The following CNTN4 variants were observed in gnomAD, a reference collection of about 807,000 sequenced individuals.
The protein encoded by CNTN4 is contactin 4.
In CNTN4, 77 loss-of-function variants were observed where a neutral mutation model predicts 122.5. The ratio of observed to expected loss-of-function variants is 0.63; its 90% CI spans 0.52 to 0.76. The LOEUF (loss-of-function observed/expected upper bound fraction) is 0.76, where lower values mean the gene tolerates loss of function less well. Among genes scored for constraint, CNTN4 ranks in the 30% least tolerant of loss-of-function variants. The pLI is 0.00. For synonymous variants in CNTN4, 512 were observed against 447.0 expected (o/e 1.15, Z -1.83); for missense variants, 1,256 against 1,259.1 (o/e 1.00, Z 0.04).
intron 2 of CNTN4, among the ~76,000 whole-genome samples, chr3:2,182,543 A>G (rs1343904133): frequency 1.3e-5 from 2 of 152,112 alleles, no homozygotes; most frequent in African/African-American, 4.8e-5. Context: ...AACTATCTGA[A>G]CTACTCCTTA....
chr3:2,964,760 A>G (rs10510243), intron 13 of CNTN4, among the ~76,000 whole-genome samples: 21,716 of 152,212 alleles, frequency 0.14, 1,708 homozygotes, highest in African/African-American at 0.2. Flanking sequence ...CTACAAAGAC[A>G]CAATTATTCA....
chr3:2,471,701 G>T (rs1190105028), intron 3 of CNTN4, among the ~76,000 whole-genome samples: 3 of 152,144 alleles, frequency 2.0e-5, no homozygotes, highest in Non-Finnish European at 4.4e-5. Flanking sequence ...GGTGATCATG[G>T]CATGTGCCAA....
rs143807515 is a variant in CNTN4, at chr3:2,740,661, C to CG, written c.182+4320_182+4321insG. Among the ~76,000 whole-genome samples, 12 of 22,660 alleles carry CG rather than the reference C, an allele frequency of 5.3e-4. No individual in the cohort carries two copies. The Admixed American group carries it at 7.5e-3, about 14-fold the overall frequency. 14.9% of individuals were successfully genotyped at this position (22,660 alleles called of 152,430 possible). A position where few individuals can be genotyped will look rare whatever the true frequency, so the allele number is the denominator to read the frequency against. On this transcript the variant is annotated intron_variant, in intron 5 of 24. Transcript: ENST00000418658. ...TCTATTCAAATTTGATAATGAAAAA[C>CG]TTTAACAACTACTATCTAATATTAT...
chr3:2,647,771 A>G (rs2083194010), intron 4 of CNTN4, among the ~76,000 whole-genome samples: 1 of 152,216 alleles, frequency 6.6e-6, no homozygotes, highest in South Asian at 2.1e-4. Context: ...TAAATTCTAA[A>G]TTGCTGTAGA....
chr3:2,406,054 G>GA lies in CNTN4; in HGVS notation c.-89+66831dup, dbSNP rs962964450. On this transcript the variant is annotated intron_variant, in intron 3 of 24. Coordinates refer to ENST00000418658, the MANE Select transcript of CNTN4 (RefSeq NM_175607.3). ...AAAAAAGAAAAAAAACAGGGAAAGA[G>GA]AAAAAAAAAACTATGGTAATAATTG... Among the ~76,000 whole-genome samples, 87 of 146,742 alleles carry GA rather than the reference G, an allele frequency of 5.9e-4. 1 individual carries two copies. In the Middle Eastern group the frequency reaches 0.029, roughly 50 times the overall value.
chr3:2,557,298 C>G (rs1459559709), intron 3 of CNTN4, among the ~76,000 whole-genome samples: 3 of 152,202 alleles, frequency 2.0e-5, no homozygotes, highest in Admixed American at 6.5e-5. Flanking sequence ...CCACTTTTAT[C>G]TTTCTTTACA....
intron 9 of CNTN4, among the ~76,000 whole-genome samples, chr3:2,885,543 A>C (rs915870300): frequency 6.6e-6 from 1 of 152,124 alleles, no homozygotes; most frequent in Non-Finnish European, 1.5e-5. Flanking sequence ...GTGTCTCCCA[A>C]ATTTTATGAG....
chr3:2,620,504 A>AATAT (rs201945554), intron 4 of CNTN4, among the ~76,000 whole-genome samples: 2 of 151,366 alleles, frequency 1.3e-5, no homozygotes, highest in African/African-American at 4.9e-5. Context: ...TGTATCCAAA[A>AATAT]ATATATATAT....
chr3:2,621,226 G>A (rs539419386), intron 4 of CNTN4, among the ~76,000 whole-genome samples: 1 of 152,282 alleles, frequency 6.6e-6, no homozygotes, highest in East Asian at 1.9e-4. Flanking sequence ...ATAACATGCA[G>A]CAAGGGAACT....
intron 15 of CNTN4, among the ~76,000 whole-genome samples, 197 bp from the exon 16 acceptor site, chr3:3,030,658 C>T (rs113830293): frequency 2.0e-5 from 3 of 152,290 alleles, no homozygotes; most frequent in African/African-American, 4.8e-5. Flanking sequence ...GAGGTCTTGT[C>T]GAAGATGTGT....
chr3:2,431,893 C>T (rs1270666282), intron 3 of CNTN4, among the ~76,000 whole-genome samples: 2 of 151,472 alleles, frequency 1.3e-5, no homozygotes, highest in Non-Finnish European at 2.9e-5. Context: ...AATTGAAACA[C>T]TAAAGAGAGA....
intron 10 of CNTN4, among the ~76,000 whole-genome samples, chr3:2,892,743 A>T (rs1421186933): frequency 6.6e-6 from 1 of 152,188 alleles, no homozygotes; most frequent in Non-Finnish European, 1.5e-5. Context: ...CATCTTCATA[A>T]TTAGGAAATG....
At chr3:2,517,245 T>C (rs1267131725) in intron 3 of CNTN4, among the ~76,000 whole-genome samples, 2 of 152,164 alleles carry the variant, frequency 1.3e-5, no homozygotes, top group African/African-American at 2.4e-5. Context: ...AGTCAGTCTG[T>C]CTTATTTCAG....
chr3:2,884,352 G>A (rs959939818), intron 9 of CNTN4, among the ~76,000 whole-genome samples: 3 of 152,126 alleles, frequency 2.0e-5, no homozygotes, highest in African/African-American at 7.2e-5. Context: ...GGTTCTAATA[G>A]AAAGGTTGTT....
At chr3:2,772,932 TAG>T (rs1468740685) in intron 6 of CNTN4, among the ~76,000 whole-genome samples, 1 of 152,006 alleles carries the variant, frequency 6.6e-6, no homozygotes, top group Admixed American at 6.5e-5. Context: ...CAGGAGAGGA[TAG>T]AGAGCAGATA....
chr3:2,440,101 C>T (rs933496877), intron 3 of CNTN4, among the ~76,000 whole-genome samples: 2 of 152,144 alleles, frequency 1.3e-5, no homozygotes, highest in African/African-American at 4.8e-5. Context: ...TAAAGATATG[C>T]TTGGCATTCA....
intron 3 of CNTN4, among the ~76,000 whole-genome samples, chr3:2,550,625 A>T (rs975981719): frequency 1.3e-5 from 2 of 152,228 alleles, no homozygotes; most frequent in Non-Finnish European, 2.9e-5. Flanking sequence ...ATTATAAACC[A>T]TTCTACTATA....
chr3:2,283,482 T>C (rs2041797650), intron 2 of CNTN4, among the ~76,000 whole-genome samples: 1 of 152,104 alleles, frequency 6.6e-6, no homozygotes, highest in Non-Finnish European at 1.5e-5. Flanking sequence ...AATATGTCAC[T>C]GAAACAGGCT....
chr3:2,603,480 G>A (rs903325557), intron 4 of CNTN4, among the ~76,000 whole-genome samples: 5 of 152,106 alleles, frequency 3.3e-5, no homozygotes, highest in African/African-American at 7.2e-5. Flanking sequence ...AAATAATGCT[G>A]GCAGTCTGCT....
Sources: gnomAD v4.1 joint callset for allele counts (sites outside exome capture counted in the v4.1 genomes callset) on GRCh38, gnomAD v4.1.1 for gene constraint, MANE v1.5 for transcripts, NCBI Gene and HGNC (gene_info 2026-07-23, HGNC 2026-07-21) for gene names.